Variants in PRKCSH observed in about 807,000 individuals in gnomAD.
PRKCSH encodes glucosidase 2 subunit beta.
A neutral mutation model predicts 79.7 loss-of-function variants in PRKCSH; 42 were observed. That is an observed-to-expected ratio of 0.53 (90% CI 0.41 to 0.68). The LOEUF (loss-of-function observed/expected upper bound fraction) is 0.68. PRKCSH is among the 30% of genes least tolerant of loss of function. PRKCSH has a pLI of 0.00. For missense variants in PRKCSH, 686 were observed against 709.0 expected, an observed-to-expected ratio of 0.97 and a Z score of 0.37; for synonymous variants, 325 against 288.2, an observed-to-expected ratio of 1.13 and a Z score of -1.29.
At position 11,447,909 on chromosome 19, in the gene PRKCSH, G is replaced by C; in HGVS notation, c.1126+120G>C. 1 of 1,209,910 alleles carries C rather than the reference G, an allele frequency of 8.3e-7. No homozygotes were observed. The highest frequency in any genetic ancestry group is 1.1e-6 in the Non-Finnish European group (1 of 881,178). The allele number at this position is 1,209,910 out of a possible 1,614,324, so 74.9% of individuals were successfully genotyped here. ...TCTGACTCGGCCAGCACAAGCCCCAGTATCTTGGGGAGTCCAGGAAGGGGG... is the reference window on the plus strand; with the variant it reads ...TCTGACTCGGCCAGCACAAGCCCCACTATCTTGGGGAGTCCAGGAAGGGGG... On this transcript the variant is annotated intron_variant, in intron 12 of 17. Coordinates refer to ENST00000677123, the MANE Select transcript of PRKCSH (RefSeq NM_001289104.2). This position sits in a 1 kb window ranked among gnomAD's most constrained non-coding sequence, Gnocchi z 5.6.
chr19:11,440,678 CCT>C (rs1197784691), intron 5 of PRKCSH, among the ~76,000 whole-genome samples: 1 of 152,092 alleles, frequency 6.6e-6, no homozygotes, highest in African/African-American at 2.4e-5. Flanking sequence ...GTCTCGAACT[CCT>C]GACCTCAGGT....
At position 11,448,082 on chromosome 19, in the gene PRKCSH, G is replaced by C. The variant is rs1292511282; in HGVS notation, c.1127-140G>C. On this transcript the variant is annotated intron_variant, in intron 12 of 17. Transcript: ENST00000677123. The surrounding 1 kb of genome is among the most constrained non-coding windows in gnomAD (Gnocchi z 4.4). Reference sequence around the variant, plus strand: ...GTCGGGGCTGCTCTATAGCTGGTGAGGCCCTCAAGGCTGTCGGGGTGAAGT... The same window carrying C: ...GTCGGGGCTGCTCTATAGCTGGTGACGCCCTCAAGGCTGTCGGGGTGAAGT... 2.1e-6 allele frequency: 2 copies of C among 941,938 alleles called. No homozygotes were observed. Among genetic ancestry groups the C allele is most frequent in the African/African-American group, 3.3e-5 (2 of 61,344 alleles). 58.3% of individuals were successfully genotyped at this position (941,938 alleles called of 1,614,324 possible). A position where few individuals can be genotyped will look rare whatever the true frequency, so the allele number is the denominator to read the frequency against.
Position 11,447,352 on chromosome 19 carries a change from C to G in PRKCSH, c.850-87C>G. On this transcript the variant is annotated intron_variant, in intron 10 of 17. Coordinates refer to ENST00000677123, the MANE Select transcript of PRKCSH (RefSeq NM_001289104.2). The surrounding 1 kb of genome is among the most constrained non-coding windows in gnomAD (Gnocchi z 5.6). The stretch of plus-strand genomic sequence containing the variant: ...GGCCCCGCAGGAGGGGCAGAGACAC[C>G]GAGGCTGCCCCTTGGGCTGTGGTGT... 2 of 1,465,872 alleles carry G rather than the reference C, an allele frequency of 1.4e-6. No homozygotes were observed. Among genetic ancestry groups the G allele is most frequent in the African/African-American group, 1.4e-5 (1 of 72,144 alleles). The allele number at this position is 1,465,872 out of a possible 1,614,324, so 90.8% of individuals were successfully genotyped here.
chr19:11,450,941 A>G lies in PRKCSH; in HGVS notation c.*312A>G, dbSNP rs1046991994. 6.6e-6 allele frequency: 1 copy of G among 152,364 alleles called. No homozygotes were observed. The highest frequency in any genetic ancestry group is 1.5e-5 in the Non-Finnish European group (1 of 68,138). 9.4% of individuals were successfully genotyped at this position (152,364 alleles called of 1,614,324 possible). A position where few individuals can be genotyped will look rare whatever the true frequency, so the allele number is the denominator to read the frequency against. ...GTGAATGACTTGACCTGTGACCTCA[A>G]TACAATAAATGTGATCCCCCACCCA... On this transcript the variant is annotated 3_prime_UTR_variant, in exon 18 of 18. Transcript: ENST00000677123.
Position 11,447,290 on chromosome 19 carries a change from C to T in PRKCSH, c.849+130C>T, listed in dbSNP as rs940855101. The T allele has an allele frequency of 1.9e-5, 26 of 1,336,288 alleles. No individual in the cohort carries two copies. Among genetic ancestry groups the T allele is most frequent in the African/African-American group, 1.7e-4 (12 of 68,998 alleles). 82.8% of individuals were successfully genotyped at this position (1,336,288 alleles called of 1,614,324 possible). ...GCTGGGTGGCCCCAGCACCCCCCAC[C>T]GAGACCCCCCGACCCCAGCTGTCGG... On this transcript the variant is annotated intron_variant, in intron 10 of 17. Coordinates refer to ENST00000677123, the MANE Select transcript of PRKCSH (RefSeq NM_001289104.2). The surrounding 1 kb of genome is among the most constrained non-coding windows in gnomAD (Gnocchi z 5.6).
Position 11,449,301 on chromosome 19 carries a change from C to A in PRKCSH, c.1497C>A (p.Thr499=). The A allele has an allele frequency of 2.5e-6, 4 of 1,613,722 alleles. No homozygotes were observed. Among genetic ancestry groups the A allele is most frequent in the Non-Finnish European group, 3.4e-6 (4 of 1,179,974 alleles). Residue 499 remains threonine, a synonymous_variant, in exon 17 of 18, where the codon ACC becomes ACA. Transcript: ENST00000677123. This position sits in a 1 kb window ranked among gnomAD's most constrained non-coding sequence, Gnocchi z 6.4. ...RLLCGKETMV[T]STTEPSRCEY... ...TGTGCGGGAAAGAGACCATGGTGAC[C>A]AGCACCACAGAGCCCAGTCGCTGCG...
Position 11,447,002 on chromosome 19 carries a change from C to T in PRKCSH, c.763-72C>T, listed in dbSNP as rs1176197388. On this transcript the variant is annotated intron_variant, in intron 9 of 17. Coordinates refer to ENST00000677123, the MANE Select transcript of PRKCSH (RefSeq NM_001289104.2). This position sits in a 1 kb window ranked among gnomAD's most constrained non-coding sequence, Gnocchi z 5.6. The stretch of plus-strand genomic sequence containing the variant: ...GCCCTCCCGTGCCTGGCACCGCAGC[C>T]CGGGTGCCGGGGTGGCCGAGATGGG... The T allele has an allele frequency of 1.3e-6, 2 of 1,521,036 alleles. No homozygotes were observed. Among genetic ancestry groups the T allele is most frequent in the Non-Finnish European group, 1.8e-6 (2 of 1,095,746 alleles). 94.2% of individuals were successfully genotyped at this position (1,521,036 alleles called of 1,614,324 possible). A position where few individuals can be genotyped will look rare whatever the true frequency, so the allele number is the denominator to read the frequency against.
chr19:11,448,740 G>T lies in PRKCSH; in HGVS notation c.1286+111G>T. ...GGGGAACCATCTGCGGGTGGGGCCC[G>T]AGAGTGCTGCCTTCCATATTGAGGG... On this transcript the variant is annotated intron_variant, in intron 14 of 17. Coordinates refer to ENST00000677123, the MANE Select transcript of PRKCSH (RefSeq NM_001289104.2). The surrounding 1 kb of genome is among the most constrained non-coding windows in gnomAD (Gnocchi z 4.4). 7.4e-7 allele frequency: 1 copy of T among 1,343,878 alleles called. No homozygotes were observed. The highest frequency in any genetic ancestry group is 1.7e-5 in the Admixed American group (1 of 58,132). 83.2% of individuals were successfully genotyped at this position (1,343,878 alleles called of 1,614,324 possible).
At position 11,442,519 on chromosome 19, in the gene PRKCSH, T is replaced by C. The variant is rs763988110; in HGVS notation, c.598+4T>C. ...CAGCACCAGAAGCTGTGGGAAGGTATGGCAGAAATGGCCAAGGACTCACCT... is the reference window on the plus strand; with the variant it reads ...CAGCACCAGAAGCTGTGGGAAGGTACGGCAGAAATGGCCAAGGACTCACCT... On this transcript the variant is annotated splice_donor_region_variant and intron_variant, in intron 7 of 17. Coordinates refer to ENST00000677123, the MANE Select transcript of PRKCSH (RefSeq NM_001289104.2). 8.7e-6 allele frequency: 14 copies of C among 1,609,450 alleles called. No homozygotes were observed. Among genetic ancestry groups the C allele is most frequent in the Non-Finnish European group, 1.1e-5 (13 of 1,178,462 alleles).
Position 11,448,965 on chromosome 19 carries a change from CGGG to C in PRKCSH, c.1341_1343del (p.Gly448del). On this transcript the variant is annotated inframe_deletion, in exon 15 of 18. Transcript: ENST00000677123. The surrounding 1 kb of genome is among the most constrained non-coding windows in gnomAD (Gnocchi z 4.4). ...AGCTTGTCTCGCAGAAACCCAAACT[CGGG>C]GGCTCTCCCACCAGCCTTGGGTGAG... 1.9e-6 allele frequency: 3 copies of C among 1,614,178 alleles called. No individual in the cohort carries two copies. The highest frequency in any genetic ancestry group is 1.7e-6 in the Non-Finnish European group (2 of 1,180,030).
Position 11,448,961 on chromosome 19 carries a change from A to G in PRKCSH, c.1334A>G (p.Lys445Arg). 1 of 1,614,076 alleles carries G rather than the reference A, an allele frequency of 6.2e-7. No individual in the cohort carries two copies. The highest frequency in any genetic ancestry group is 8.5e-7 in the Non-Finnish European group (1 of 1,180,002). ...TTCAAGCTTGTCTCGCAGAAACCCA[A>G]ACTCGGGGGCTCTCCCACCAGCCTT... ...CPFKLVSQKP[K>R]LGGSPTSLGT... The change falls in exon 15 of 18, where the codon AAA becomes AGA. Residue 445 changes from lysine (K) to arginine (R), a missense_variant. Around this residue, in one of 2 missense-constraint regions of PRKCSH, gnomAD observed 137 missense variants for 188.8 expected, o/e 0.73. Coordinates refer to ENST00000677123, the MANE Select transcript of PRKCSH (RefSeq NM_001289104.2). This position sits in a 1 kb window ranked among gnomAD's most constrained non-coding sequence, Gnocchi z 4.4.
rs1467383093 is a variant in PRKCSH at position 11,448,684 on chromosome 19, C to T, written c.1286+55C>T. ...TGGCAGGGTGGGAGGCGGGTGGCCC[C>T]GGAAGTGGCACCGGCAGTTTCCTGA... On this transcript the variant is annotated intron_variant, in intron 14 of 17. Transcript: ENST00000677123. This position sits in a 1 kb window ranked among gnomAD's most constrained non-coding sequence, Gnocchi z 4.4. 29 of 1,534,118 alleles carry T rather than the reference C, an allele frequency of 1.9e-5. No homozygotes were observed. The highest frequency in any genetic ancestry group is 1.0e-4 in the Admixed American group (6 of 59,870).
In PRKCSH at chr19:11,446,247, G is replaced by T. The variant is rs765638894; in HGVS notation, c.684-25G>T. 3.7e-6 allele frequency: 6 copies of T among 1,611,508 alleles called. No homozygotes were observed. In the African/African-American group the frequency reaches 8.0e-5, roughly 22 times the overall value. On this transcript the variant is annotated intron_variant, in intron 8 of 17. Coordinates refer to ENST00000677123, the MANE Select transcript of PRKCSH (RefSeq NM_001289104.2). Reference sequence around the variant, plus strand: ...GAGCCACTGGGGCCTCACCCCTCCAGTCTGCTTCTGCCACGCCCCCGCAGG... The same window carrying T: ...GAGCCACTGGGGCCTCACCCCTCCATTCTGCTTCTGCCACGCCCCCGCAGG...
intron 5 of PRKCSH, among the ~76,000 whole-genome samples, chr19:11,439,811 G>A (rs1969971637): frequency 6.6e-6 from 1 of 151,268 alleles, no homozygotes; most frequent in Admixed American, 6.6e-5. Context: ...AGTAGAGACG[G>A]TGTTTCACAA....
Position 11,435,725 on chromosome 19 carries a change from G to A in PRKCSH, c.-78+19G>A. 1.5e-6 allele frequency: 2 copies of A among 1,336,422 alleles called. No homozygotes were observed. Among genetic ancestry groups the A allele is most frequent in the Non-Finnish European group, 2.0e-6 (2 of 1,020,654 alleles). The allele number at this position is 1,336,422 out of a possible 1,614,324, so 82.8% of individuals were successfully genotyped here. ...GCCTCGTGTAGGTGTGAACGAGCGG[G>A]TGGGAGGGCACCTCAGTTTCTTACA... On this transcript the variant is annotated intron_variant, in intron 1 of 17. Coordinates refer to ENST00000677123, the MANE Select transcript of PRKCSH (RefSeq NM_001289104.2).
In PRKCSH at chr19:11,446,320, G is replaced by A; in HGVS notation, c.732G>A (p.Gly244=). The A allele has an allele frequency of 6.2e-7, 1 of 1,613,886 alleles. No individual in the cohort carries two copies. The highest frequency in any genetic ancestry group is 8.5e-7 in the Non-Finnish European group (1 of 1,179,828). The change falls in exon 9 of 18, where the codon GGG becomes GGA. Residue 244 remains glycine (G), a synonymous_variant. Transcript: ENST00000677123. Reference sequence around the variant, plus strand: ...CTCACCCGGAGCTGGACACAGATGGGGATGGGGCGTTGTCAGAAGCGGAAG... The same window carrying A: ...CTCACCCGGAGCTGGACACAGATGGAGATGGGGCGTTGTCAGAAGCGGAAG... ...LQTHPELDTD[G]DGALSEAEAQ...
At chr19:11,436,605 T>A (rs912640171) in intron 3 of PRKCSH, 100 bp downstream of exon 3, 1 of 1,011,904 alleles carries the variant, frequency 9.9e-7, no homozygotes, top group Non-Finnish European at 1.5e-6. Flanking sequence ...TGGCTCCCCT[T>A]TGAGTGGGCA....
Position 11,440,024 on chromosome 19 carries a change from G to A in PRKCSH, c.351-1216G>A, listed in dbSNP as rs76779229. ...TGCTTGGGCCTGGGAAGCAGAGGTT[G>A]CAGTGAGCTAAAAAGTAAAAAAAAA... On this transcript the variant is annotated intron_variant, in intron 5 of 17. Coordinates refer to ENST00000677123, the MANE Select transcript of PRKCSH (RefSeq NM_001289104.2). Among the ~76,000 whole-genome samples, 292 of 151,750 alleles carry A rather than the reference G, an allele frequency of 1.9e-3. 9 individuals are homozygous for A. The East Asian group carries it at 0.042, about 22-fold the overall frequency.
Position 11,436,089 on chromosome 19 carries a change from C to G in PRKCSH, c.-29C>G. On this transcript the variant is annotated 5_prime_UTR_variant, in exon 2 of 18. Coordinates refer to ENST00000677123, the MANE Select transcript of PRKCSH (RefSeq NM_001289104.2). ...CGCTGTAGGCTTCCTCCCACAGAAC[C>G]CGTTTCGGGCCTCAGAGCGTCTGGT... 3.1e-6 allele frequency: 5 copies of G among 1,605,994 alleles called. No homozygotes were observed. Among genetic ancestry groups the G allele is most frequent in the South Asian group, 1.1e-5 (1 of 91,062 alleles).
Sources: gnomAD v4.1 joint callset for allele counts (sites outside exome capture counted in the v4.1 genomes callset) on GRCh38, gnomAD v4.1.1 for gene constraint, gnomAD v4.1.1 regional missense constraint, Gnocchi (gnomAD v3.1) non-coding constraint, MANE v1.5 for transcripts, NCBI Gene and HGNC (gene_info 2026-07-23, HGNC 2026-07-21) for gene names.